AP3B2: variants seen among roughly 807,000 people sequenced by gnomAD.
AP3B2 encodes AP-3 complex subunit beta-2.
Under a neutral mutation model 126.9 loss-of-function variants are expected in AP3B2, and 50 were observed. That is an observed-to-expected ratio of 0.39 (90% CI 0.31 to 0.50). The LOEUF (loss-of-function observed/expected upper bound fraction) is 0.50. Among genes scored for constraint, AP3B2 ranks in the 20% least tolerant of loss-of-function variants. AP3B2 has a pLI of 0.79. For missense variants in AP3B2, 1,177 were observed against 1,426.4 expected, an observed-to-expected ratio of 0.83 and a Z score of 2.82; for synonymous variants, 541 against 565.0, an observed-to-expected ratio of 0.96 and a Z score of 0.60.
chr15:82,677,460 G>A (rs758134420), intron 12 of AP3B2, 77 bp from the exon 13 acceptor site: 61 of 1,424,856 alleles, frequency 4.3e-5, no homozygotes, highest in Non-Finnish European at 5.5e-5. Context: ...CACCTGCAGT[G>A]CCCCAGGCCC....
At chr15:82,704,881 C>A (rs2048773825) in intron 1 of AP3B2, among the ~76,000 whole-genome samples, 1 of 152,208 alleles carries the variant, frequency 6.6e-6, no homozygotes, top group African/African-American at 2.4e-5. Flanking sequence ...CCTTTGCCTC[C>A]ATAACTGTTG....
chr15:82,700,397 C>CTTTTTTTTTTGTTTTTTTT (rs2048700425), intron 1 of AP3B2, among the ~76,000 whole-genome samples: 1 of 35,086 alleles, frequency 2.9e-5, no homozygotes, highest in Non-Finnish European at 5.1e-5. Context: ...TGGTGGGTGG[C>CTTTTTTTTTTGTTTTTTTT]TTTTTTTTTT....
At chr15:82,693,957 T>C (rs2151454798) in intron 1 of AP3B2, among the ~76,000 whole-genome samples, 1 of 152,250 alleles carries the variant, frequency 6.6e-6, no homozygotes, top group Admixed American at 6.5e-5. Context: ...CACCTCAGCC[T>C]CCCAAAGTGC....
intron 1 of AP3B2, among the ~76,000 whole-genome samples, chr15:82,698,275 C>T (rs1396544146): frequency 6.6e-6 from 1 of 151,900 alleles, no homozygotes; most frequent in African/African-American, 2.4e-5. Flanking sequence ...ACACCTCCCA[C>T]AGAAAAACTC....
intron 4 of AP3B2, chr15:82,688,447 C>G: frequency 2.8e-6 from 2 of 701,794 alleles, no homozygotes; most frequent in Non-Finnish European, 5.2e-6. Context: ...AGACTCTCCA[C>G]TCTCCGGGGG....
intron 1 of AP3B2, among the ~76,000 whole-genome samples, chr15:82,705,423 G>A (rs1028193365): frequency 3.9e-5 from 6 of 152,026 alleles, no homozygotes; most frequent in African/African-American, 1.2e-4. Context: ...TATCCACCCC[G>A]TGGTGCCAAA....
chr15:82,663,347 C>T (rs1051362063), intron 21 of AP3B2, 114 bp from the exon 22 acceptor site: 2 of 1,029,054 alleles, frequency 1.9e-6, no homozygotes, highest in Non-Finnish European at 1.5e-6. Flanking sequence ...GGGCACATGG[C>T]TGCCTGGAGG....
At chr15:82,697,896 G>C (rs2048654523) in intron 1 of AP3B2, 1 of 152,364 alleles carries the variant, frequency 6.6e-6, no homozygotes, top group Admixed American at 6.5e-5. Context: ...TTCTTAGTGG[G>C]TAGGAGGCTG....
At position 82,661,817 on chromosome 15, in the gene AP3B2, G is replaced by C. The variant is rs374508854; in HGVS notation, c.3016+8C>G. ...TTCCCTCTCTGCCCACTCCCAGGGA[G>C]CACTCACCCTGTTCCTTCTTAAACT... On this transcript the variant is annotated splice_region_variant and intron_variant, in intron 25 of 26. Coordinates refer to ENST00000535359, the MANE Select transcript of AP3B2 (RefSeq NM_001278512.2). 145 of 1,608,216 alleles carry C rather than the reference G, an allele frequency of 9.0e-5. No individual in the cohort carries two copies. The African/African-American group carries it at 1.9e-3, about 21-fold the overall frequency.
intron 1 of AP3B2, among the ~76,000 whole-genome samples, chr15:82,706,645 C>G (rs2048799990): frequency 6.6e-6 from 1 of 152,162 alleles, no homozygotes; most frequent in Non-Finnish European, 1.5e-5. Flanking sequence ...GAAACTTACA[C>G]CTATGAATCT....
intron 11 of AP3B2, 104 bp downstream of exon 11, chr15:82,678,001 T>TA: frequency 1.4e-6 from 2 of 1,423,954 alleles, no homozygotes; most frequent in Non-Finnish European, 9.7e-7. Flanking sequence ...TGTAAGATAA[T>TA]AGTTTCTCCA....
intron 14 of AP3B2, among the ~76,000 whole-genome samples, chr15:82,670,778 A>G (rs1406302633): frequency 6.6e-6 from 1 of 152,230 alleles, no homozygotes; most frequent in Non-Finnish European, 1.5e-5. Flanking sequence ...ATAGGAGGAA[A>G]AAATTTGCAA....
Position 82,680,405 on chromosome 15 carries a change from G to T in AP3B2, c.1055+67C>A. On this transcript the variant is annotated intron_variant, in intron 8 of 26. Transcript: ENST00000535359. This position sits in a 1 kb window ranked among gnomAD's most constrained non-coding sequence, Gnocchi z 6.1. ...AAGCGGCTGGTGGGCGTGAGGGGGC[G>T]GAGCCGGGCAGCCCGTGGGGCGGGG... 1 of 1,446,136 alleles carries T rather than the reference G, an allele frequency of 6.9e-7. No homozygotes were observed. The highest frequency in any genetic ancestry group is 9.1e-7 in the Non-Finnish European group (1 of 1,098,564). The allele number at this position is 1,446,136 out of a possible 1,614,324, so 89.6% of individuals were successfully genotyped here.
At chr15:82,667,830 A>G (rs1357882498) in intron 14 of AP3B2, among the ~76,000 whole-genome samples, 1 of 152,142 alleles carries the variant, frequency 6.6e-6, no homozygotes, top group Non-Finnish European at 1.5e-5. Flanking sequence ...CTAGGCCTGC[A>G]TCTGCTGGAG....
chr15:82,678,245 C>A, intron 10 of AP3B2, 78 bp from the exon 11 acceptor site: 3 of 1,356,864 alleles, frequency 2.2e-6, no homozygotes, highest in Non-Finnish European at 3.1e-6. Context: ...AAATACACTT[C>A]ATAGACCAGA....
intron 14 of AP3B2, among the ~76,000 whole-genome samples, chr15:82,673,048 C>G (rs1037730337): frequency 3.9e-5 from 6 of 152,160 alleles, no homozygotes; most frequent in African/African-American, 1.4e-4. Flanking sequence ...TGTAGCCTTG[C>G]ATAAGATCCA....
chr15:82,681,872 T>C lies in AP3B2; in HGVS notation c.361-292A>G, dbSNP rs2048344805. ...GCTGAAACACCTGAAACACTTCCTGTTCCTTGTAAGGGTTTTTTTGGAGGT... is the reference window on the plus strand; with the variant it reads ...GCTGAAACACCTGAAACACTTCCTGCTCCTTGTAAGGGTTTTTTTGGAGGT... On this transcript the variant is annotated intron_variant, in intron 4 of 26. Coordinates refer to ENST00000535359, the MANE Select transcript of AP3B2 (RefSeq NM_001278512.2). This position sits in a 1 kb window ranked among gnomAD's most constrained non-coding sequence, Gnocchi z 4.0. Among the ~76,000 whole-genome samples the C allele has an allele frequency of 6.6e-6, 1 of 152,102 alleles. No homozygotes were observed. The highest frequency in any genetic ancestry group is 2.1e-4 in the South Asian group (1 of 4,828).
At chr15:82,682,593 A>G (rs2048358765) in intron 4 of AP3B2, among the ~76,000 whole-genome samples, 2 of 152,068 alleles carry the variant, frequency 1.3e-5, no homozygotes, top group South Asian at 4.1e-4. Flanking sequence ...AGTTATGCTT[A>G]TAGTTACAGC....
chr15:82,703,747 T>A (rs1418104813), intron 1 of AP3B2, among the ~76,000 whole-genome samples: 1 of 152,116 alleles, frequency 6.6e-6, no homozygotes, highest in Non-Finnish European at 1.5e-5. Context: ...CTGTTCCCAA[T>A]GCGACTCATC....
Sources: gnomAD v4.1 joint callset for allele counts (sites outside exome capture counted in the v4.1 genomes callset) on GRCh38, gnomAD v4.1.1 for gene constraint, Gnocchi (gnomAD v3.1) non-coding constraint, MANE v1.5 for transcripts, NCBI Gene and HGNC (gene_info 2026-07-23, HGNC 2026-07-21) for gene names.